Variants in ALK observed in about 807,000 individuals in gnomAD.
ALK encodes ALK receptor tyrosine kinase, also known as ALK tyrosine kinase receptor.
In ALK, 74 loss-of-function variants were observed where a neutral mutation model predicts 163.1. The observed-to-expected ratio is 0.45, with a 90% CI of 0.38 to 0.55. The LOEUF is 0.55. Ranked by LOEUF, ALK falls within the 20% of genes least tolerant of loss-of-function variation. ALK has a pLI of 0.00. For missense variants in ALK, 2,063 were observed against 2,105.3 expected, an observed-to-expected ratio of 0.98 and a Z score of 0.39; for synonymous variants, 960 against 843.2, an observed-to-expected ratio of 1.14 and a Z score of -2.40.
intron 3 of ALK, among the ~76,000 whole-genome samples, chr2:29,680,022 T>C (rs1290138664): frequency 6.6e-6 from 1 of 152,048 alleles, no homozygotes; most frequent in East Asian, 1.9e-4. Context: ...CCACTGTCTT[T>C]TAGTCTTTCA....
intron 4 of ALK, among the ~76,000 whole-genome samples, chr2:29,472,305 C>T (rs892731000): frequency 6.6e-6 from 1 of 152,184 alleles, no homozygotes; most frequent in Non-Finnish European, 1.5e-5. Context: ...AGGGGCAAGC[C>T]TTTCTTACTG....
rs531484613 is a variant in ALK at position 29,406,703 on chromosome 2, C to A, written c.1155-22844G>T. On this transcript the variant is annotated intron_variant, in intron 4 of 28. Coordinates refer to ENST00000389048, the MANE Select transcript of ALK (RefSeq NM_004304.5). ...AATCATGAGATCAGGAGATCGAGAC[C>A]ATCCTGGCCAACATGGTGAAACCTC... Among the ~76,000 whole-genome samples, 6 of 152,104 alleles carry A rather than the reference C, an allele frequency of 3.9e-5. No individual in the cohort carries two copies. In the East Asian group the frequency reaches 5.8e-4, roughly 15 times the overall value.
chr2:29,800,652 C>G (rs1469790423), intron 1 of ALK, among the ~76,000 whole-genome samples: 1 of 152,124 alleles, frequency 6.6e-6, no homozygotes, highest in East Asian at 1.9e-4. Context: ...GACCAGAGCC[C>G]TGGAGGCACT....
chr2:29,247,692 G>GC (rs574720005), intron 12 of ALK, among the ~76,000 whole-genome samples: 6 of 152,208 alleles, frequency 3.9e-5, no homozygotes, highest in Non-Finnish European at 7.4e-5. Flanking sequence ...GGCAATGGTG[G>GC]CCCCCCCTTG....
chr2:29,608,006 A>C (rs1217287471), intron 3 of ALK, among the ~76,000 whole-genome samples: 1 of 148,548 alleles, frequency 6.7e-6, no homozygotes, highest in Non-Finnish European at 1.5e-5. Context: ...GTATGTGTGC[A>C]AGTTTGTTAC....
intron 1 of ALK, among the ~76,000 whole-genome samples, chr2:29,909,993 A>C (rs1482352800): frequency 6.6e-6 from 1 of 151,984 alleles, no homozygotes; most frequent in Non-Finnish European, 1.5e-5. Flanking sequence ...AAAAAAAAAA[A>C]AAACAACTGC....
At chr2:29,512,091 T>C (rs938523998) in intron 4 of ALK, among the ~76,000 whole-genome samples, 7 of 152,222 alleles carry the variant, frequency 4.6e-5, no homozygotes, top group African/African-American at 1.7e-4. Context: ...TTTTGTTTTA[T>C]AGTTTATGCT....
chr2:29,485,237 T>A (rs1472554031), intron 4 of ALK, among the ~76,000 whole-genome samples: 1 of 152,214 alleles, frequency 6.6e-6, no homozygotes. Flanking sequence ...CTCTGCTGCA[T>A]TCTGAGTAAC....
intron 1 of ALK, among the ~76,000 whole-genome samples, chr2:29,740,338 AAGAC>A (rs1316272478): frequency 1.3e-5 from 2 of 152,138 alleles, no homozygotes; most frequent in Non-Finnish European, 2.9e-5. Context: ...GAAAGAAGGG[AAGAC>A]AGACAAAGAG....
chr2:29,848,289 A>C (rs1277908432), intron 1 of ALK, among the ~76,000 whole-genome samples: 1 of 115,490 alleles, frequency 8.7e-6, no homozygotes, highest in Admixed American at 8.5e-5. Context: ...AAAATCCCTT[A>C]AATTCCCCCA....
intron 4 of ALK, among the ~76,000 whole-genome samples, chr2:29,457,107 T>C (rs549285780): frequency 3.3e-4 from 50 of 152,220 alleles, no homozygotes; most frequent in African/African-American, 1.1e-3. Context: ...CGTGGTAACT[T>C]TCTCTTGAGT....
chr2:29,670,584 A>C (rs1278105951), intron 3 of ALK, among the ~76,000 whole-genome samples: 1 of 152,052 alleles, frequency 6.6e-6, no homozygotes, highest in African/African-American at 2.4e-5. Flanking sequence ...TATTTCTTCG[A>C]ATAAACTTTA....
Position 29,799,341 on chromosome 2 carries a change from A to G in ALK, c.668-81644T>C, listed in dbSNP as rs150082030. 5.6e-3 allele frequency among the ~76,000 whole-genome samples: 859 copies of G among 152,322 alleles called. 12 individuals carry two copies. Among genetic ancestry groups the G allele is most frequent in the African/African-American group, 0.019 (784 of 41,576 alleles). ...GGGTCACAGAAGAGTTGGGTTGGAA[A>G]GAATGACCATGTATCACTTTAAAAA... On this transcript the variant is annotated intron_variant, in intron 1 of 28. Transcript: ENST00000389048.
At chr2:29,204,567 G>C (rs1303074794) in intron 26 of ALK, among the ~76,000 whole-genome samples, 1 of 152,112 alleles carries the variant, frequency 6.6e-6, no homozygotes, top group Non-Finnish European at 1.5e-5. Flanking sequence ...GAACATACTG[G>C]CAACATGACC....
intron 2 of ALK, among the ~76,000 whole-genome samples, chr2:29,716,643 G>C (rs1395722557): frequency 6.6e-6 from 1 of 152,152 alleles, no homozygotes; most frequent in African/African-American, 2.4e-5. Flanking sequence ...TTGGTAGCTG[G>C]AGAAGCCACT....
intron 1 of ALK, among the ~76,000 whole-genome samples, chr2:29,738,043 G>T (rs1679944107): frequency 6.6e-6 from 1 of 152,002 alleles, no homozygotes; most frequent in Admixed American, 6.6e-5. Flanking sequence ...AGTGAAAAAG[G>T]GTAGAGATCA....
chr2:29,760,937 C>A (rs780587836), intron 1 of ALK, among the ~76,000 whole-genome samples: 1 of 152,184 alleles, frequency 6.6e-6, no homozygotes, highest in African/African-American at 2.4e-5. Context: ...CTCCCCTACC[C>A]CTGCCCCTTC....
Position 29,296,908 on chromosome 2 carries a change from A to G in ALK, c.1797T>C (p.Pro599=), listed in dbSNP as rs1666199940. ...CCTACCTGTCAGACACATCGAGGAGAGGCAACACCATCCACTGCCACAGGC... is the reference window on the plus strand; with the variant it reads ...CCTACCTGTCAGACACATCGAGGAGGGGCAACACCATCCACTGCCACAGGC... ...GLSLWQWMVL[P]LLDVSDRFWL... Residue 599 remains proline (P), a synonymous_variant, in exon 9 of 29, where the codon CCT becomes CCC. Transcript: ENST00000389048. 6.2e-7 allele frequency: 1 copy of G among 1,613,990 alleles called. No individual in the cohort carries two copies. The highest frequency in any genetic ancestry group is 8.5e-7 in the Non-Finnish European group (1 of 1,180,022).
At chr2:29,446,879 T>C (rs1463528096) in intron 4 of ALK, among the ~76,000 whole-genome samples, 1 of 152,232 alleles carries the variant, frequency 6.6e-6, no homozygotes, top group Non-Finnish European at 1.5e-5. Flanking sequence ...AAAATGCAGA[T>C]GCTGGGGAAG....
Sources: allele counts gnomAD v4.1 joint callset (sites outside exome capture counted in the v4.1 genomes callset), GRCh38; gene constraint gnomAD v4.1.1; transcripts MANE v1.5; gene names NCBI Gene and HGNC (gene_info 2026-07-23, HGNC 2026-07-21).